The following VSNL1 variants were observed in gnomAD, a reference collection of about 807,000 sequenced individuals.
VSNL1 encodes the protein visinin-like protein 1.
In VSNL1, 6 loss-of-function variants were observed where a neutral mutation model predicts 20.4. That is an observed-to-expected ratio of 0.29 (90% CI 0.16 to 0.58). The LOEUF (loss-of-function observed/expected upper bound fraction) is 0.58. Among genes scored for constraint, VSNL1 ranks in the 20% least tolerant of loss-of-function variants. VSNL1 has a pLI of 0.90. For synonymous variants in VSNL1, 93 were observed against 86.4 expected (o/e 1.08, Z -0.42); for missense variants, 100 against 234.5 (o/e 0.43, Z 3.75).
chr2:17,628,133 G>A (rs553868023), intron 2 of VSNL1, among the ~76,000 whole-genome samples: 1 of 152,342 alleles, frequency 6.6e-6, no homozygotes, highest in African/African-American at 2.4e-5. Context: ...ACAAATAAAA[G>A]GTTAAGAAGC....
At chr2:17,544,671 T>G (rs1663368662) in intron 1 of VSNL1, among the ~76,000 whole-genome samples, 1 of 152,226 alleles carries the variant, frequency 6.6e-6, no homozygotes, top group Admixed American at 6.5e-5. Context: ...CAGCAATATA[T>G]TTTCACTGTT....
intron 2 of VSNL1, among the ~76,000 whole-genome samples, chr2:17,595,347 T>C (rs1664688761): frequency 6.6e-6 from 1 of 152,192 alleles, no homozygotes; most frequent in African/African-American, 2.4e-5. Context: ...CTCCCGAATT[T>C]CACAGGCAAG....
intron 2 of VSNL1, among the ~76,000 whole-genome samples, chr2:17,631,386 T>C (rs1467016698): frequency 6.6e-6 from 1 of 152,158 alleles, no homozygotes; most frequent in Non-Finnish European, 1.5e-5. Context: ...ATAAAAAAGA[T>C]AGTGAACCTC....
intron 2 of VSNL1, among the ~76,000 whole-genome samples, chr2:17,643,895 G>A (rs560012153): frequency 3.3e-5 from 5 of 152,292 alleles, no homozygotes; most frequent in African/African-American, 1.2e-4. Context: ...AGTGAAAGCG[G>A]CCCCGGGACA....
At position 17,649,287 on chromosome 2, in the gene VSNL1, C is replaced by A; in HGVS notation, c.163-123C>A. The A allele has an allele frequency of 1.1e-6, 1 of 931,130 alleles. No individual in the cohort carries two copies. Among genetic ancestry groups the A allele is most frequent in the Non-Finnish European group, 1.7e-6 (1 of 592,450 alleles). The allele number at this position is 931,130 out of a possible 1,614,324, so 57.7% of individuals were successfully genotyped here. On this transcript the variant is annotated intron_variant, in intron 2 of 3. Coordinates refer to ENST00000295156, the MANE Select transcript of VSNL1 (RefSeq NM_003385.5). The surrounding 1 kb of genome is among the most constrained non-coding windows in gnomAD (Gnocchi z 6.4). ...TGCCCTTGACAGTCAGGCCAAACTG[C>A]TCTCCAATGGGTGAGGCTCCGACAA...
chr2:17,550,000 C>T (rs1010913731), intron 1 of VSNL1, among the ~76,000 whole-genome samples: 1 of 152,188 alleles, frequency 6.6e-6, no homozygotes, highest in Admixed American at 6.5e-5. Context: ...CTGTGGAAGA[C>T]TTACTTCTCT....
chr2:17,645,166 T>A (rs191327401), intron 2 of VSNL1, among the ~76,000 whole-genome samples: 1 of 152,372 alleles, frequency 6.6e-6, no homozygotes, highest in East Asian at 1.9e-4. Flanking sequence ...TGCCCAGTGT[T>A]AGCCAGGAGC....
At chr2:17,544,982 T>C (rs1663375222) in intron 1 of VSNL1, among the ~76,000 whole-genome samples, 1 of 152,154 alleles carries the variant, frequency 6.6e-6, no homozygotes, top group African/African-American at 2.4e-5. Context: ...CTCCAATCCA[T>C]TTTTAAAATA....
At chr2:17,648,729 T>C (rs1418613087) in intron 2 of VSNL1, among the ~76,000 whole-genome samples, 1 of 152,194 alleles carries the variant, frequency 6.6e-6, no homozygotes, top group Non-Finnish European at 1.5e-5. Context: ...ATGCTTCCCT[T>C]TCCTCCTTGT....
chr2:17,624,746 A>C (rs1482027768), intron 2 of VSNL1, among the ~76,000 whole-genome samples: 1 of 152,226 alleles, frequency 6.6e-6, no homozygotes, highest in Admixed American at 6.5e-5. Flanking sequence ...AGCTCTGCCA[A>C]CACTTTGATG....
chr2:17,557,629 C>A (rs1663716956), intron 1 of VSNL1, among the ~76,000 whole-genome samples: 1 of 152,152 alleles, frequency 6.6e-6, no homozygotes, highest in Non-Finnish European at 1.5e-5. Flanking sequence ...CACTCGTTTA[C>A]CATTGCTGGG....
chr2:17,587,348 AACACACACACACACACACACAC>A (rs67537461), intron 1 of VSNL1, among the ~76,000 whole-genome samples: 2 of 134,574 alleles, frequency 1.5e-5, no homozygotes, highest in Non-Finnish European at 1.6e-5. Context: ...GGCTGAGGGC[AACACACACACACACACACACAC>A]ACACACACAC....
In VSNL1 at chr2:17,655,432, T is replaced by A; in HGVS notation, c.*38T>A. 1 of 1,561,950 alleles carries A rather than the reference T, an allele frequency of 6.4e-7. No individual in the cohort carries two copies. Among genetic ancestry groups the A allele is most frequent in the Non-Finnish European group, 8.7e-7 (1 of 1,146,034 alleles). On this transcript the variant is annotated 3_prime_UTR_variant, in exon 4 of 4. Transcript: ENST00000295156. This position sits in a 1 kb window ranked among gnomAD's most constrained non-coding sequence, Gnocchi z 5.2. Reference sequence around the variant, plus strand: ...GCTATGGACTGCACAAAAGTCTCAATGTTCCATTCAGTCTGCAGCTATTCA... The same window carrying A: ...GCTATGGACTGCACAAAAGTCTCAAAGTTCCATTCAGTCTGCAGCTATTCA...
chr2:17,608,093 GAAAA>G (rs373954190), intron 2 of VSNL1, among the ~76,000 whole-genome samples: 221 of 152,324 alleles, frequency 1.5e-3, no homozygotes, highest in African/African-American at 5.0e-3. Flanking sequence ...TGCCCAGTAT[GAAAA>G]GGCTATCTGA....
At chr2:17,544,549 A>C (rs892086938) in intron 1 of VSNL1, among the ~76,000 whole-genome samples, 3 of 152,154 alleles carry the variant, frequency 2.0e-5, no homozygotes, top group Non-Finnish European at 2.9e-5. Context: ...TAGATTTTCT[A>C]TTTGGGTTGC....
At chr2:17,572,824 C>A (rs942780840) in intron 1 of VSNL1, among the ~76,000 whole-genome samples, 2 of 152,192 alleles carry the variant, frequency 1.3e-5, no homozygotes, top group Non-Finnish European at 2.9e-5. Context: ...CCTGGCAGTC[C>A]CTATTCATCC....
intron 1 of VSNL1, among the ~76,000 whole-genome samples, chr2:17,545,482 A>G (rs1433807153): frequency 1.3e-5 from 2 of 152,170 alleles, no homozygotes; most frequent in Non-Finnish European, 2.9e-5. Context: ...GATAAGTAAA[A>G]GAGGGAATAT....
intron 1 of VSNL1, among the ~76,000 whole-genome samples, chr2:17,564,183 T>C (rs921775969): frequency 2.0e-5 from 3 of 152,230 alleles, no homozygotes; most frequent in African/African-American, 7.2e-5. Flanking sequence ...ACCCCCATTT[T>C]TTTCACAAGT....
intron 2 of VSNL1, among the ~76,000 whole-genome samples, chr2:17,594,168 G>A (rs1664658820): frequency 5.3e-5 from 8 of 152,168 alleles, no homozygotes; most frequent in Admixed American, 5.2e-4. Context: ...GCATGCCTTG[G>A]CGTTTTATGG....
Sources: allele counts gnomAD v4.1 joint callset (sites outside exome capture counted in the v4.1 genomes callset), GRCh38; gene constraint gnomAD v4.1.1; non-coding constraint Gnocchi (gnomAD v3.1); transcripts MANE v1.5; gene names NCBI Gene and HGNC (gene_info 2026-07-23, HGNC 2026-07-21).